STAG1: variants seen among roughly 807,000 people sequenced by gnomAD.
The protein encoded by STAG1 is STAG1 cohesin complex component, also known as cohesin subunit SA-1.
STAG1 carries 26 observed loss-of-function variants against 170.9 expected under a neutral mutation model. That is an observed-to-expected ratio of 0.15 (90% CI 0.11 to 0.21). The LOEUF is 0.21. Ranked by LOEUF, STAG1 falls within the 10% of genes least tolerant of loss-of-function variation. The pLI, the probability that STAG1 is intolerant of heterozygous loss-of-function variation, is 1.00. For synonymous variants in STAG1, 514 were observed against 497.7 expected, an observed-to-expected ratio of 1.03 and a Z score of -0.44; for missense variants, 964 against 1,509.5, an observed-to-expected ratio of 0.64 and a Z score of 5.99.
chr3:136,360,911 G>T (rs1936839637), intron 26 of STAG1, among the ~76,000 whole-genome samples: 1 of 152,032 alleles, frequency 6.6e-6, no homozygotes, highest in Admixed American at 6.6e-5. Context: ...CTTGTGATCT[G>T]CCCGCCTCAG....
At chr3:136,448,622 T>C (rs1430521673) in intron 14 of STAG1, among the ~76,000 whole-genome samples, 2 of 152,110 alleles carry the variant, frequency 1.3e-5, no homozygotes, top group African/African-American at 2.4e-5. Context: ...GGCCAAACCA[T>C]ATCAGTCTGT....
intron 1 of STAG1, among the ~76,000 whole-genome samples, chr3:136,751,628 T>C (rs1935245351): frequency 6.6e-6 from 1 of 150,588 alleles, no homozygotes; most frequent in African/African-American, 2.4e-5. Context: ...ACAAGAAGCC[T>C]GGGCCAGCCG....
chr3:136,478,870 G>T (rs1281886919), intron 9 of STAG1, among the ~76,000 whole-genome samples: 1 of 152,036 alleles, frequency 6.6e-6, no homozygotes, highest in African/African-American at 2.4e-5. Context: ...TCCTGGTTCT[G>T]CTATTTACTA....
chr3:136,497,602 A>G (rs1168597671), intron 9 of STAG1, among the ~76,000 whole-genome samples: 1 of 152,146 alleles, frequency 6.6e-6, no homozygotes, highest in East Asian at 1.9e-4. Context: ...GCACTTTGGG[A>G]GGCCGAGGCG....
chr3:136,501,330 TTCTAA>T (rs148869391), intron 8 of STAG1, among the ~76,000 whole-genome samples: 196 of 152,326 alleles, frequency 1.3e-3, no homozygotes, highest in African/African-American at 4.6e-3. Context: ...TACATTGAAG[TTCTAA>T]CCCCTAGTAC....
At chr3:136,496,642 TA>T (rs1278317448) in intron 9 of STAG1, among the ~76,000 whole-genome samples, 1 of 152,150 alleles carries the variant, frequency 6.6e-6, no homozygotes, top group Non-Finnish European at 1.5e-5. Context: ...GACACATAGC[TA>T]AAGCAGTGCT....
In STAG1 at chr3:136,421,242, T is replaced by C. The variant is rs901138302; in HGVS notation, c.2038-79A>G. Reference sequence around the variant, plus strand: ...TTACTACTTATTGCCTAAATAAAAATTCTTCTAAATTATATTAATAGTATA... The same window carrying C: ...TTACTACTTATTGCCTAAATAAAAACTCTTCTAAATTATATTAATAGTATA... On this transcript the variant is annotated intron_variant, in intron 19 of 33. Coordinates refer to ENST00000383202, the MANE Select transcript of STAG1 (RefSeq NM_005862.3). 56 of 846,664 alleles carry C rather than the reference T, an allele frequency of 6.6e-5. No individual in the cohort carries two copies. In the African/African-American group the frequency reaches 7.4e-4, roughly 11 times the overall value. 52.4% of individuals were successfully genotyped at this position (846,664 alleles called of 1,614,324 possible).
intron 16 of STAG1, among the ~76,000 whole-genome samples, chr3:136,423,276 T>C (rs1255827277): frequency 1.3e-5 from 2 of 152,156 alleles, no homozygotes; most frequent in South Asian, 2.1e-4. Context: ...AATAAAAATA[T>C]ATACATATTA....
At chr3:136,639,708 C>T (rs1439871918) in intron 1 of STAG1, among the ~76,000 whole-genome samples, 1 of 152,106 alleles carries the variant, frequency 6.6e-6, no homozygotes, top group African/African-American at 2.4e-5. Flanking sequence ...TGTATAGCCC[C>T]ATGATTTTCA....
intron 1 of STAG1, among the ~76,000 whole-genome samples, chr3:136,685,570 G>A (rs941169664): frequency 4.4e-4 from 67 of 152,328 alleles, no homozygotes; most frequent in African/African-American, 1.5e-3. Flanking sequence ...CAACCAAGAC[G>A]TCCTTCGGTA....
intron 21 of STAG1, among the ~76,000 whole-genome samples, chr3:136,400,476 C>G (rs2087291477): frequency 6.6e-6 from 1 of 152,054 alleles, no homozygotes; most frequent in Non-Finnish European, 1.5e-5. Context: ...CCACCTCTGC[C>G]TCCCAAAGTG....
At chr3:136,603,453 A>C (rs1559903575) in intron 4 of STAG1, among the ~76,000 whole-genome samples, 1 of 152,214 alleles carries the variant, frequency 6.6e-6, no homozygotes, top group Non-Finnish European at 1.5e-5. Context: ...CATAAATAAT[A>C]AACACATTTA....
chr3:136,680,848 T>G (rs1007877979), intron 1 of STAG1, among the ~76,000 whole-genome samples: 1 of 151,770 alleles, frequency 6.6e-6, no homozygotes, highest in African/African-American at 2.4e-5. Context: ...TATACAGTCA[T>G]TCCTCAATAT....
At chr3:136,632,179 A>C (rs1473276857) in intron 1 of STAG1, among the ~76,000 whole-genome samples, 1 of 152,212 alleles carries the variant, frequency 6.6e-6, no homozygotes, top group African/African-American at 2.4e-5. Flanking sequence ...CAAAAAAATG[A>C]AAGGAGTCAT....
intron 12 of STAG1, among the ~76,000 whole-genome samples, chr3:136,467,474 A>G (rs1362853802): frequency 1.3e-5 from 2 of 152,180 alleles, no homozygotes; most frequent in Non-Finnish European, 2.9e-5. Context: ...CTAAATATAT[A>G]TGCACCCAAT....
intron 7 of STAG1, among the ~76,000 whole-genome samples, chr3:136,509,935 G>T (rs529561985): frequency 6.6e-6 from 1 of 152,142 alleles, no homozygotes. Context: ...AAAGAGAGAG[G>T]TGATTATAGT....
chr3:136,521,157 A>T, intron 7 of STAG1, 56 bp downstream of exon 7: 1 of 1,381,322 alleles, frequency 7.2e-7, no homozygotes, highest in East Asian at 2.3e-5. Context: ...TTGTAATCAG[A>T]ATAAAACATA....
intron 6 of STAG1, among the ~76,000 whole-genome samples, chr3:136,540,822 CAAAAAAAAAAAA>C (rs554338920): frequency 0.012 from 561 of 46,326 alleles, 16 homozygotes; most frequent in African/African-American, 0.03. Flanking sequence ...ACTGTGTCTC[CAAAAAAAAAAAA>C]AAAAAAAAAA....
chr3:136,453,333 T>C (rs2089000350), intron 13 of STAG1, among the ~76,000 whole-genome samples: 3 of 152,278 alleles, frequency 2.0e-5, no homozygotes, highest in South Asian at 4.1e-4. Flanking sequence ...GGCTCACGCC[T>C]ATAATCCCAG....
Sources: gnomAD v4.1 joint callset for allele counts (sites outside exome capture counted in the v4.1 genomes callset) on GRCh38, gnomAD v4.1.1 for gene constraint, MANE v1.5 for transcripts, NCBI Gene and HGNC (gene_info 2026-07-23, HGNC 2026-07-21) for gene names.